Variants in RAPGEF1 observed in about 807,000 individuals in gnomAD.
The protein encoded by RAPGEF1 is Rap guanine nucleotide exchange factor 1.
Under a neutral mutation model 143.3 loss-of-function variants are expected in RAPGEF1, and 33 were observed. The observed-to-expected ratio is 0.23, with a 90% CI of 0.17 to 0.31. The LOEUF (loss-of-function observed/expected upper bound fraction) is 0.31. RAPGEF1 is among the 10% of genes least tolerant of loss of function. RAPGEF1 has a pLI of 1.00. For missense variants in RAPGEF1, 1,199 were observed against 1,645.4 expected (o/e 0.73, Z 4.69); for synonymous variants, 629 against 676.5 (o/e 0.93, Z 1.09).
At chr9:131,651,355 T>A (rs1483680001) in intron 1 of RAPGEF1, among the ~76,000 whole-genome samples, 1 of 152,196 alleles carries the variant, frequency 6.6e-6, no homozygotes, top group Non-Finnish European at 1.5e-5. Context: ...TTTAAGAAAC[T>A]GCAACAAGTG....
At chr9:131,588,697 G>C (rs1953633269) in intron 20 of RAPGEF1, 104 bp downstream of exon 20, 8 of 1,244,654 alleles carry the variant, frequency 6.4e-6, no homozygotes, top group Non-Finnish European at 8.8e-6. Flanking sequence ...CAAAGGGCCT[G>C]TGCAGAACCA....
intron 26 of RAPGEF1, among the ~76,000 whole-genome samples, 175 bp downstream of exon 26, chr9:131,580,088 T>C (rs1409587973): frequency 1.3e-5 from 2 of 152,194 alleles, no homozygotes; most frequent in African/African-American, 2.4e-5. Flanking sequence ...TGGAGCCTGG[T>C]GGGCATGCTC....
chr9:131,626,562 T>C (rs2132986477), intron 9 of RAPGEF1, 140 bp from the exon 10 acceptor site: 1 of 746,678 alleles, frequency 1.3e-6, no homozygotes, highest in East Asian at 2.8e-5. Flanking sequence ...TATATTCACA[T>C]GTTATATTCT....
At chr9:131,596,862 C>T (rs1955393814) in intron 16 of RAPGEF1, among the ~76,000 whole-genome samples, 4 of 152,220 alleles carry the variant, frequency 2.6e-5, no homozygotes. Flanking sequence ...ATCCGTCTCC[C>T]CAGGTGGAAG....
intron 1 of RAPGEF1, among the ~76,000 whole-genome samples, chr9:131,729,054 G>A (rs541681913): frequency 6.6e-6 from 1 of 152,346 alleles, no homozygotes; most frequent in South Asian, 2.1e-4. Flanking sequence ...CATGCTCTCA[G>A]ACACTGTTCT....
At chr9:131,619,794 A>T (rs1206817843) in intron 11 of RAPGEF1, among the ~76,000 whole-genome samples, 2 of 152,176 alleles carry the variant, frequency 1.3e-5, no homozygotes, top group African/African-American at 4.8e-5. Flanking sequence ...AGGTGTGTGT[A>T]ATGAGCACCA....
intron 1 of RAPGEF1, among the ~76,000 whole-genome samples, chr9:131,708,166 C>G (rs1175829138): frequency 5.3e-5 from 8 of 152,350 alleles, no homozygotes; most frequent in Middle Eastern, 3.4e-3. Context: ...ACAGCAACTG[C>G]TCTTAATATT....
intron 1 of RAPGEF1, among the ~76,000 whole-genome samples, chr9:131,713,555 A>C (rs1180755480): frequency 6.6e-6 from 1 of 152,172 alleles, no homozygotes; most frequent in Non-Finnish European, 1.5e-5. Context: ...TAGCTGAACA[A>C]CTTTGGGATA....
At chr9:131,659,511 G>A (rs1358579106) in intron 1 of RAPGEF1, among the ~76,000 whole-genome samples, 9 of 149,754 alleles carry the variant, frequency 6.0e-5, no homozygotes, top group Non-Finnish European at 1.3e-4. Context: ...GAGCCATCAC[G>A]CCAGGCCTGT....
At chr9:131,602,285 G>T in intron 14 of RAPGEF1, 136 bp from the exon 15 acceptor site, 1 of 606,714 alleles carries the variant, frequency 1.6e-6, no homozygotes, top group Non-Finnish European at 2.9e-6. Flanking sequence ...ACAAATTAAA[G>T]ATGAATGCCG....
intron 1 of RAPGEF1, among the ~76,000 whole-genome samples, chr9:131,694,568 T>C (rs1482667342): frequency 1.3e-5 from 2 of 152,152 alleles, no homozygotes; most frequent in African/African-American, 4.8e-5. Flanking sequence ...TCACACTAGA[T>C]TCGTGCTGTT....
intron 1 of RAPGEF1, among the ~76,000 whole-genome samples, chr9:131,704,265 C>T (rs1834884457): frequency 6.7e-6 from 1 of 150,318 alleles, no homozygotes; most frequent in South Asian, 2.1e-4. Flanking sequence ...GCCCCAGATG[C>T]TACTTTGCTA....
At chr9:131,609,127 C>T (rs1223389310) in intron 12 of RAPGEF1, among the ~76,000 whole-genome samples, 2 of 152,154 alleles carry the variant, frequency 1.3e-5, no homozygotes, top group Non-Finnish European at 1.5e-5. Context: ...GAGAGGGGTG[C>T]CTGGCCCCCA....
intron 1 of RAPGEF1, among the ~76,000 whole-genome samples, chr9:131,660,070 G>A (rs1376849972): frequency 2.0e-5 from 3 of 152,020 alleles, no homozygotes; most frequent in African/African-American, 7.3e-5. Context: ...CGCCCGCCTC[G>A]GCCTCGCAAA....
intron 1 of RAPGEF1, among the ~76,000 whole-genome samples, chr9:131,735,156 G>A (rs1837336435): frequency 6.6e-6 from 1 of 152,194 alleles, no homozygotes; most frequent in Non-Finnish European, 1.5e-5. Flanking sequence ...AACAACTCCA[G>A]GCCCTCAGGA....
chr9:131,627,269 G>A (rs1963487897), intron 9 of RAPGEF1, among the ~76,000 whole-genome samples: 1 of 149,216 alleles, frequency 6.7e-6, no homozygotes, highest in Non-Finnish European at 1.5e-5. Flanking sequence ...TATGTAAATG[G>A]TCCTGTACTT....
chr9:131,714,630 G>A (rs1335583924), intron 1 of RAPGEF1, among the ~76,000 whole-genome samples: 3 of 151,950 alleles, frequency 2.0e-5, no homozygotes, highest in Non-Finnish European at 2.9e-5. Flanking sequence ...CAGCCTGGAG[G>A]TCAGGCCTAG....
intron 1 of RAPGEF1, among the ~76,000 whole-genome samples, chr9:131,662,421 C>T (rs1974375036): frequency 6.6e-6 from 1 of 152,200 alleles, no homozygotes; most frequent in South Asian, 2.1e-4. Flanking sequence ...TGCTCTGTTG[C>T]CCAGGCTGGA....
intron 12 of RAPGEF1, among the ~76,000 whole-genome samples, chr9:131,615,159 G>A (rs1298602639): frequency 6.6e-5 from 10 of 152,316 alleles, no homozygotes; most frequent in Admixed American, 2.6e-4. Flanking sequence ...CGCAAGCTCC[G>A]CCTCCTGGGT....
Sources: allele counts gnomAD v4.1 joint callset (sites outside exome capture counted in the v4.1 genomes callset), GRCh38; gene constraint gnomAD v4.1.1; transcripts MANE v1.5; gene names NCBI Gene and HGNC (gene_info 2026-07-23, HGNC 2026-07-21).